Variants in BLM observed in about 807,000 individuals in gnomAD.
The protein encoded by BLM is recQ-like DNA helicase BLM.
In BLM, 95 loss-of-function variants were observed where a neutral mutation model predicts 135.3. That is an observed-to-expected ratio of 0.70 (90% CI 0.59 to 0.83). The LOEUF is 0.83. Ranked by LOEUF, BLM falls within the 40% of genes least tolerant of loss-of-function variation. The pLI is 0.00. For missense variants in BLM, 1,518 were observed against 1,663.9 expected (o/e 0.91, Z 1.53); for synonymous variants, 520 against 589.2 (o/e 0.88, Z 1.70).
At position 90,795,204 on chromosome 15, in the gene BLM, C is replaced by T. The variant is rs114418950; in HGVS notation, c.3210+847C>T. On this transcript the variant is annotated intron_variant, in intron 16 of 21. Coordinates refer to ENST00000355112, the MANE Select transcript of BLM (RefSeq NM_000057.4). Reference sequence around the variant, plus strand: ...ATAGAAGTTTAACACTCTGGCTTGGCGCAGTGGCTCATGCCTGTAATCCCA... The same window carrying T: ...ATAGAAGTTTAACACTCTGGCTTGGTGCAGTGGCTCATGCCTGTAATCCCA... 1.4e-3 allele frequency among the ~76,000 whole-genome samples: 210 copies of T among 152,268 alleles called. 1 individual carries two copies. Among genetic ancestry groups the T allele is most frequent in the African/African-American group, 4.8e-3 (200 of 41,566 alleles).
chr15:90,785,172 T>A, intron 14 of BLM, 91 bp downstream of exon 14: 1 of 1,348,018 alleles, frequency 7.4e-7, no homozygotes. Context: ...TGTTTTTACC[T>A]TGAAGGTAGT....
intron 15 of BLM, chr15:90,793,681 T>G (rs892958216): frequency 3.9e-5 from 6 of 152,626 alleles, no homozygotes; most frequent in African/African-American, 1.4e-4. Flanking sequence ...ATTTGGGTGA[T>G]GTTCAACAGA....
At chr15:90,727,261 G>A (rs985920384) in intron 1 of BLM, among the ~76,000 whole-genome samples, 3 of 151,914 alleles carry the variant, frequency 2.0e-5, no homozygotes, top group Non-Finnish European at 2.9e-5. Context: ...CAATCCTCCC[G>A]CCTCAGCCTC....
At chr15:90,739,637 C>T (rs1895311589) in intron 1 of BLM, among the ~76,000 whole-genome samples, 1 of 152,190 alleles carries the variant, frequency 6.6e-6, no homozygotes, top group African/African-American at 2.4e-5. Flanking sequence ...ATTCCACTTA[C>T]AGTGTGAATA....
Position 90,811,252 on chromosome 15 carries a change from G to A in BLM, c.3922G>A (p.Gly1308Arg), listed in dbSNP as rs768010078. Reference sequence around the variant, plus strand: ...AAGCCTGTCCAGCAGCAGAGGCCCCGGAAGAAGTGCCGCTGAGGAGCTCGA... The same window carrying A: ...AAGCCTGTCCAGCAGCAGAGGCCCCAGAAGAAGTGCCGCTGAGGAGCTCGA... Reference protein sequence around the residue: ...GISLSSSRGPGRSAAEELDEE... With the variant: ...GISLSSSRGPRRSAAEELDEE... The change falls in exon 21 of 22, where the codon GGA (glycine) becomes AGA (arginine). Residue 1308 changes from glycine (G) to arginine (R), a missense_variant. Around this residue, in one of 5 missense-constraint regions of BLM, gnomAD observed 153 missense variants for 173.4 expected, o/e 0.88. Coordinates refer to ENST00000355112, the MANE Select transcript of BLM (RefSeq NM_000057.4). The A allele has an allele frequency of 1.6e-5, 26 of 1,613,926 alleles. No individual in the cohort carries two copies. Among genetic ancestry groups the A allele is most frequent in the Admixed American group, 5.0e-5 (3 of 59,994 alleles).
chr15:90,774,588 C>G (rs1017090215), intron 12 of BLM, among the ~76,000 whole-genome samples: 1 of 151,308 alleles, frequency 6.6e-6, no homozygotes, highest in Non-Finnish European at 1.5e-5. Context: ...AATCCCAGCA[C>G]TTTGGGTGGC....
intron 16 of BLM, among the ~76,000 whole-genome samples, chr15:90,795,478 CA>C (rs536449790): frequency 1.1e-3 from 158 of 140,854 alleles, no homozygotes; most frequent in Non-Finnish European, 1.0e-3. Context: ...GAAACTCCAT[CA>C]AAAAAAAAAA....
At chr15:90,755,368 A>G (rs1480499140) in intron 5 of BLM, 2 of 184,484 alleles carry the variant, frequency 1.1e-5, no homozygotes, top group Non-Finnish European at 2.3e-5. Context: ...TCTCCTTGCT[A>G]GAAATTGCTT....
chr15:90,717,942 G>A (rs1894651707), intron 1 of BLM, among the ~76,000 whole-genome samples: 1 of 152,162 alleles, frequency 6.6e-6, no homozygotes, highest in South Asian at 2.1e-4. Context: ...CGATATCCCA[G>A]CAAAGCGAAG....
intron 1 of BLM, among the ~76,000 whole-genome samples, chr15:90,738,344 C>T (rs1461994144): frequency 2.0e-5 from 3 of 152,194 alleles, no homozygotes; most frequent in East Asian, 1.9e-4. Flanking sequence ...GCTGCCGGGA[C>T]GGGAGAATTT....
chr15:90,809,014 G>A (rs1255094238), intron 19 of BLM, 123 bp from the exon 20 acceptor site: 8 of 1,420,138 alleles, frequency 5.6e-6, no homozygotes, highest in Admixed American at 1.7e-5. Context: ...ATTGGCCTGT[G>A]TTCCCAGTAC....
At chr15:90,803,344 A>G (rs1396671199) in intron 17 of BLM, among the ~76,000 whole-genome samples, 177 bp from the exon 18 acceptor site, 1 of 152,186 alleles carries the variant, frequency 6.6e-6, no homozygotes, top group Non-Finnish European at 1.5e-5. Flanking sequence ...ATACAACCAT[A>G]GAAATTTTAG....
Position 90,754,758 on chromosome 15 carries a change from T to C in BLM, c.960-53T>C, listed in dbSNP as rs1010255762. 8.9e-6 allele frequency: 14 copies of C among 1,576,866 alleles called. No individual in the cohort carries two copies. In the South Asian group the frequency reaches 1.5e-4, roughly 17 times the overall value. ...ATATTAAGGGTTTCAAAATTATACA[T>C]TTATTGAGTCTAGCCTATAGTATGA... On this transcript the variant is annotated intron_variant, in intron 4 of 21. Transcript: ENST00000355112.
intron 19 of BLM, among the ~76,000 whole-genome samples, chr15:90,805,866 A>G (rs1170099443): frequency 6.6e-6 from 1 of 151,758 alleles, no homozygotes; most frequent in African/African-American, 2.4e-5. Context: ...ACATTACTTC[A>G]TTATTTGTGC....
chr15:90,778,307 A>C (rs1394209891), intron 12 of BLM, among the ~76,000 whole-genome samples: 1 of 152,200 alleles, frequency 6.6e-6, no homozygotes, highest in African/African-American at 2.4e-5. Context: ...GAGCTTTTTC[A>C]ATTGTGTCTA....
chr15:90,806,180 A>AT (rs1390670995), intron 19 of BLM, among the ~76,000 whole-genome samples: 1 of 152,172 alleles, frequency 6.6e-6, no homozygotes, highest in Non-Finnish European at 1.5e-5. Flanking sequence ...TATAGTTGGC[A>AT]TCTTAGATCC....
intron 5 of BLM, among the ~76,000 whole-genome samples, chr15:90,758,764 T>C (rs888092593): frequency 6.6e-6 from 1 of 152,224 alleles, no homozygotes; most frequent in Non-Finnish European, 1.5e-5. Context: ...ACCAGAATCA[T>C]ATTAAGCTTG....
Position 90,769,600 on chromosome 15 carries a change from C to G in BLM, c.2555+14C>G. 1 of 1,612,686 alleles carries G rather than the reference C, an allele frequency of 6.2e-7. No individual in the cohort carries two copies. Among genetic ancestry groups the G allele is most frequent in the Non-Finnish European group, 8.5e-7 (1 of 1,179,254 alleles). The stretch of plus-strand genomic sequence containing the variant: ...CAGACCTCAGGTGTAAGTTGTTGCA[C>G]GTCACGTATTTGAGAACCCTGGGGC... On this transcript the variant is annotated intron_variant, in intron 12 of 21. Coordinates refer to ENST00000355112, the MANE Select transcript of BLM (RefSeq NM_000057.4).
chr15:90,727,137 G>C (rs751648319), intron 1 of BLM, among the ~76,000 whole-genome samples: 3 of 151,732 alleles, frequency 2.0e-5, no homozygotes, highest in Admixed American at 6.6e-5. Flanking sequence ...TCTTAACTGG[G>C]GTAGGATGAT....
Sources: allele counts gnomAD v4.1 joint callset (sites outside exome capture counted in the v4.1 genomes callset), GRCh38; gene constraint gnomAD v4.1.1; regional missense constraint gnomAD v4.1.1; transcripts MANE v1.5; gene names NCBI Gene and HGNC (gene_info 2026-07-23, HGNC 2026-07-21).